LANCL3: variants seen among roughly 807,000 people sequenced by gnomAD.
LANCL3 encodes the protein lanC-like protein 3.
Under a neutral mutation model 26.5 loss-of-function variants are expected in LANCL3, and 19 were observed. That is an observed-to-expected ratio of 0.72 (90% CI 0.50 to 1.05). The LOEUF is 1.05. LANCL3 is among the 50% of genes least tolerant of loss of function. LANCL3 has a pLI of 0.00. For synonymous variants in LANCL3, 160 were observed against 166.6 expected, an observed-to-expected ratio of 0.96 and a Z score of 0.30; for missense variants, 318 against 362.7, an observed-to-expected ratio of 0.88 and a Z score of 1.00.
At chrX:37,611,063 T>C (rs1472718262) in intron 1 of LANCL3, among the ~76,000 whole-genome samples, 1 of 111,535 alleles carries the variant, frequency 9.0e-6, no homozygotes, top group Non-Finnish European at 1.9e-5. Context: ...ATGGATGGTG[T>C]AGAACACATC....
intron 1 of LANCL3, among the ~76,000 whole-genome samples, chrX:37,626,504 T>A (rs1556423054): frequency 8.9e-6 from 1 of 112,191 alleles, no homozygotes; most frequent in East Asian, 2.8e-4. Flanking sequence ...AAGGTCATTG[T>A]CATGCTTTTT....
intron 4 of LANCL3, 90 bp from the exon 5 acceptor site, chrX:37,675,564 T>C (rs374006114): frequency 2.2e-6 from 1 of 448,139 alleles, no homozygotes; most frequent in Non-Finnish European, 3.5e-6. Flanking sequence ...AAAATTATGC[T>C]AAAACTTTAA....
intron 1 of LANCL3, among the ~76,000 whole-genome samples, chrX:37,639,790 C>T (rs1556425748): frequency 9.1e-6 from 1 of 109,935 alleles, no homozygotes; most frequent in African/African-American, 3.3e-5. Flanking sequence ...TCTCTTACTT[C>T]CCCCAAAGTC....
intron 1 of LANCL3, among the ~76,000 whole-genome samples, chrX:37,588,186 G>C (rs1431756577): frequency 9.0e-6 from 1 of 111,698 alleles, no homozygotes; most frequent in Non-Finnish European, 1.9e-5. Flanking sequence ...ACTTTTGCTG[G>C]TTAATTTAGT....
intron 1 of LANCL3, among the ~76,000 whole-genome samples, chrX:37,621,139 A>G (rs1180045454): frequency 8.9e-6 from 1 of 112,105 alleles, no homozygotes; most frequent in East Asian, 2.8e-4. Flanking sequence ...ACCCATCTGG[A>G]TTTGGATATC....
At chrX:37,664,643 C>T (rs1188286665) in intron 3 of LANCL3, among the ~76,000 whole-genome samples, 5 of 111,217 alleles carry the variant, frequency 4.5e-5, no homozygotes, top group African/African-American at 1.6e-4. Context: ...TGGGGTTTGG[C>T]GTACAAAGGA....
chrX:37,626,447 A>G (rs1925317407), intron 1 of LANCL3, among the ~76,000 whole-genome samples: 1 of 112,124 alleles, frequency 8.9e-6, no homozygotes, highest in Admixed American at 9.5e-5. Context: ...GAGGAAGCAA[A>G]CCATTTATTC....
At chrX:37,673,460 GT>G (rs1556436800) in intron 4 of LANCL3, among the ~76,000 whole-genome samples, 1 of 110,430 alleles carries the variant, frequency 9.1e-6, no homozygotes, top group Admixed American at 9.7e-5. Context: ...TAATCAATGG[GT>G]TTTGATATGA....
At chrX:37,646,641 T>C (rs997503625) in intron 1 of LANCL3, among the ~76,000 whole-genome samples, 1 of 112,106 alleles carries the variant, frequency 8.9e-6, no homozygotes, top group Admixed American at 9.5e-5. Flanking sequence ...CTGGTGCCCA[T>C]AGGAAACTCA....
Position 37,594,019 on chromosome X carries a change from C to T in LANCL3, c.573+21576C>T, listed in dbSNP as rs782343163. ...GCTTTATTTACACAGTTGTGCCTTC[C>T]GTAGTAAAGTATTGAGTTAAAAATG... is the stretch of plus-strand genomic sequence containing the variant. On this transcript the variant is annotated intron_variant, in intron 1 of 4. Coordinates refer to ENST00000378619, the MANE Select transcript of LANCL3 (RefSeq NM_001170331.2). 2.7e-3 allele frequency among the ~76,000 whole-genome samples: 302 copies of T among 111,554 alleles called. 2 individuals are homozygous for T. Among genetic ancestry groups the T allele is most frequent in the African/African-American group, 9.2e-3 (283 of 30,784 alleles).
chrX:37,572,046 G>C lies in LANCL3; in HGVS notation c.176G>C (p.Ser59Thr). The change falls in exon 1 of 5, where the codon AGC (serine) becomes ACC (threonine). Residue 59 changes from serine (S) to threonine (T), a missense_variant. Ser to Thr is a moderately conservative substitution (Grantham distance 58). Coordinates refer to ENST00000378619, the MANE Select transcript of LANCL3 (RefSeq NM_001170331.2). ...AEARGATAGA[S>T]ACQGGLYGGV... ...GCCCGAGGGGCGACGGCGGGGGCTA[G>C]CGCCTGCCAGGGGGGGCTTTATGGC... 3 of 1,181,040 alleles carry C rather than the reference G, an allele frequency of 2.5e-6. No homozygotes were observed. The highest frequency in any genetic ancestry group is 3.4e-6 in the Non-Finnish European group (3 of 881,584).
At chrX:37,662,508 C>T (rs1043678878) in intron 3 of LANCL3, among the ~76,000 whole-genome samples, 6 of 111,514 alleles carry the variant, frequency 5.4e-5, no homozygotes, top group Non-Finnish European at 9.4e-5. Context: ...CTCTGTAGTG[C>T]GCACTGTACA....
At chrX:37,660,913 G>A (rs1926402458) in intron 3 of LANCL3, among the ~76,000 whole-genome samples, 1 of 109,705 alleles carries the variant, frequency 9.1e-6, no homozygotes, top group African/African-American at 3.4e-5. Context: ...ATGTGTGCTT[G>A]TACCAGTATC....
rs111623672 is a variant in LANCL3, at chrX:37,620,933, G to C, written c.574-34755G>C. ...CCAAAGCTCAGAGGCCCTCACCATC[G>C]CATGCATGCTCCTCTCCTAGTACAC... is the stretch of plus-strand genomic sequence containing the variant. On this transcript the variant is annotated intron_variant, in intron 1 of 4. Coordinates refer to ENST00000378619, the MANE Select transcript of LANCL3 (RefSeq NM_001170331.2). Among the ~76,000 whole-genome samples, 695 of 111,156 alleles carry C rather than the reference G, an allele frequency of 6.3e-3. 5 individuals are homozygous for C. The highest frequency in any genetic ancestry group is 0.022 in the African/African-American group (661 of 30,587).
chrX:37,600,507 G>T (rs1009343789), intron 1 of LANCL3, among the ~76,000 whole-genome samples: 45 of 112,001 alleles, frequency 4.0e-4, no homozygotes, highest in African/African-American at 1.4e-3. Flanking sequence ...GGTGCCACAG[G>T]CAGAGTAACC....
At chrX:37,591,824 G>A (rs1924290389) in intron 1 of LANCL3, among the ~76,000 whole-genome samples, 1 of 109,190 alleles carries the variant, frequency 9.2e-6, no homozygotes, top group Admixed American at 9.7e-5. Context: ...AAAGAAGCCT[G>A]CAGGTGAGAG....
chrX:37,638,712 T>C (rs1244977410), intron 1 of LANCL3, among the ~76,000 whole-genome samples: 1 of 111,712 alleles, frequency 9.0e-6, no homozygotes, highest in Non-Finnish European at 1.9e-5. Flanking sequence ...GTGCATTTCA[T>C]ACATCTATTA....
At position 37,643,331 on chromosome X, in the gene LANCL3, C is replaced by T. The variant is rs182944889; in HGVS notation, c.574-12357C>T. Among the ~76,000 whole-genome samples the T allele has an allele frequency of 3.6e-5, 4 of 112,372 alleles. No individual in the cohort carries two copies. The East Asian group carries it at 1.1e-3, about 31-fold the overall frequency. On this transcript the variant is annotated intron_variant, in intron 1 of 4. Coordinates refer to ENST00000378619, the MANE Select transcript of LANCL3 (RefSeq NM_001170331.2). ...TAAGAAATTAAACTGCTGAAACATA[C>T]TATCATGTTCACATTAAAGAATTAC...
intron 1 of LANCL3, among the ~76,000 whole-genome samples, chrX:37,605,378 G>A (rs1232103793): frequency 8.9e-6 from 1 of 112,020 alleles, no homozygotes; most frequent in Non-Finnish European, 1.9e-5. Flanking sequence ...CAACTTCTGA[G>A]ATTTCCTTCT....
Sources: allele counts gnomAD v4.1 joint callset (sites outside exome capture counted in the v4.1 genomes callset), GRCh38; gene constraint gnomAD v4.1.1; transcripts MANE v1.5; gene names NCBI Gene and HGNC (gene_info 2026-07-23, HGNC 2026-07-21).